Variants in DNM1L observed in about 807,000 individuals in gnomAD.
DNM1L encodes dynamin-1-like protein.
A neutral mutation model predicts 92.8 loss-of-function variants in DNM1L; 33 were observed. The observed-to-expected ratio is 0.36, with a 90% CI of 0.27 to 0.48. The LOEUF (loss-of-function observed/expected upper bound fraction) is 0.48. DNM1L is among the 20% of genes least tolerant of loss of function. The pLI, the probability that DNM1L is intolerant of heterozygous loss-of-function variation, is 0.99. For synonymous variants in DNM1L, 284 were observed against 305.0 expected, an observed-to-expected ratio of 0.93 and a Z score of 0.72; for missense variants, 485 against 888.8, an observed-to-expected ratio of 0.55 and a Z score of 5.78.
At chr12:32,705,772 A>G in intron 2 of DNM1L, 4 of 1,529,340 alleles carry the variant, frequency 2.6e-6, no homozygotes, top group African/African-American at 1.4e-5. Context: ...TAAGGTTTAA[A>G]ATTTTAGGGA....
chr12:32,725,926 T>A (rs1405018551), intron 9 of DNM1L, among the ~76,000 whole-genome samples: 6 of 146,176 alleles, frequency 4.1e-5, no homozygotes, highest in South Asian at 4.3e-4. Context: ...TTTTTTTTTT[T>A]AAACGATGGA....
intron 9 of DNM1L, among the ~76,000 whole-genome samples, 187 bp from the exon 10 acceptor site, chr12:32,730,826 TA>T (rs1427441985): frequency 6.6e-6 from 1 of 152,148 alleles, no homozygotes; most frequent in African/African-American, 2.4e-5. Context: ...TTTTCCCCTT[TA>T]AAAAAATTAG....
chr12:32,729,417 C>G (rs1954392803), intron 9 of DNM1L, among the ~76,000 whole-genome samples: 1 of 152,100 alleles, frequency 6.6e-6, no homozygotes, highest in Middle Eastern at 3.2e-3. Flanking sequence ...TCATTCCCCT[C>G]TCCTCCCTCC....
chr12:32,718,996 G>C (rs1417551474), intron 7 of DNM1L, among the ~76,000 whole-genome samples: 1 of 151,418 alleles, frequency 6.6e-6, no homozygotes, highest in African/African-American at 2.4e-5. Flanking sequence ...CTGTTGCCTA[G>C]GCTGGAATGC....
chr12:32,719,709 C>T (rs760033232), intron 7 of DNM1L, among the ~76,000 whole-genome samples: 41 of 152,152 alleles, frequency 2.7e-4, no homozygotes, highest in African/African-American at 6.7e-4. Context: ...TATTAAAAAT[C>T]GGGAAAAGGA....
rs982184268 is a variant in DNM1L, at chr12:32,744,378, ATATT to A, written c.*973_*976del. On this transcript the variant is annotated 3_prime_UTR_variant, in exon 20 of 20. Transcript: ENST00000549701. ...CTTCATAGCTTCATACCAACAAAAT[ATATT>A]TATTAGAATAGTATGAAAGTACTGG... 1 of 155,434 alleles carries A rather than the reference ATATT, an allele frequency of 6.4e-6. No homozygotes were observed. Among genetic ancestry groups the A allele is most frequent in the African/African-American group, 2.4e-5 (1 of 41,492 alleles). 9.6% of individuals were successfully genotyped at this position (155,434 alleles called of 1,614,324 possible). A position where few individuals can be genotyped will look rare whatever the true frequency, so the allele number is the denominator to read the frequency against.
chr12:32,711,080 A>G, intron 5 of DNM1L, 65 bp downstream of exon 5: 2 of 1,343,660 alleles, frequency 1.5e-6, no homozygotes, highest in East Asian at 4.6e-5. Flanking sequence ...CCATATGAGA[A>G]TAATCAGCTT....
chr12:32,732,498 T>A (rs1484085228), intron 12 of DNM1L: 1 of 455,770 alleles, frequency 2.2e-6, no homozygotes, highest in Admixed American at 2.4e-5. Flanking sequence ...AATTGTTGGC[T>A]GGGTTTTTTG....
In DNM1L at chr12:32,731,440, C is replaced by T. The variant is rs1954547304; in HGVS notation, c.1285C>T (p.Leu429Phe). ...RQIKRLEEPS[L>F]RCVELVHEEM... ...AATCAAACGTCTAGAAGAGCCCAGC[C>T]TCCGCTGTGTGGAACTGGTTCATGA... is the stretch of plus-strand genomic sequence containing the variant. Residue 429 changes from leucine to phenylalanine, a missense_variant, in exon 11 of 20, where the codon CTC becomes TTC. By Grantham distance (22) the Leu-to-Phe change is conservative. This residue lies in a region of DNM1L where 12 missense variants were observed against 21.5 expected (regional missense o/e 0.56). Transcript: ENST00000549701. This position sits in a 1 kb window ranked among gnomAD's most constrained non-coding sequence, Gnocchi z 5.1. 4 of 1,614,164 alleles carry T rather than the reference C, an allele frequency of 2.5e-6. No individual in the cohort carries two copies. The highest frequency in any genetic ancestry group is 3.4e-6 in the Non-Finnish European group (4 of 1,180,030).
At chr12:32,710,850 T>G (rs1953099134) in intron 4 of DNM1L, 79 bp from the exon 5 acceptor site, 2 of 1,162,550 alleles carry the variant, frequency 1.7e-6, no homozygotes, top group Non-Finnish European at 2.4e-6. Context: ...TTAAAAGCAT[T>G]AATGTCTATG....
At chr12:32,711,819 G>C (rs1953136380) in intron 5 of DNM1L, among the ~76,000 whole-genome samples, 1 of 152,094 alleles carries the variant, frequency 6.6e-6, no homozygotes, top group Non-Finnish European at 1.5e-5. Context: ...GGAATTTGAG[G>C]CTACGGTGAG....
At chr12:32,722,306 A>G (rs985421314) in intron 8 of DNM1L, 121 bp from the exon 9 acceptor site, 26 of 799,766 alleles carry the variant, frequency 3.3e-5, no homozygotes, top group Non-Finnish European at 1.9e-5. Context: ...TATATTTCAC[A>G]GTATCACATT....
At chr12:32,718,120 T>C (rs1337592874) in intron 6 of DNM1L, among the ~76,000 whole-genome samples, 2 of 140,136 alleles carry the variant, frequency 1.4e-5, no homozygotes, top group East Asian at 4.0e-4. Flanking sequence ...ATATATAATA[T>C]AGTATATATA....
chr12:32,728,911 G>C (rs1171937457), intron 9 of DNM1L: 1 of 152,210 alleles, frequency 6.6e-6, no homozygotes, highest in African/African-American at 2.4e-5. Context: ...AGCCTCCCGA[G>C]TAGCTGGGAC....
At chr12:32,706,197 C>T (rs1041103152) in intron 2 of DNM1L, 1 of 208,226 alleles carries the variant, frequency 4.8e-6, no homozygotes, top group African/African-American at 2.3e-5. Context: ...CTCCAGTCCT[C>T]CAATGAGACT....
At position 32,720,652 on chromosome 12, in the gene DNM1L, T is replaced by G; in HGVS notation, c.741-12T>G. ...GTTAAGCTGAATAGTTTCGTTATTT[T>G]TTCAACCTCAGGAGCCAGCTAGATA... On this transcript the variant is annotated splice_polypyrimidine_tract_variant and intron_variant, in intron 7 of 19. Coordinates refer to ENST00000549701, the MANE Select transcript of DNM1L (RefSeq NM_012062.5). The G allele has an allele frequency of 1.2e-6, 2 of 1,613,792 alleles. No homozygotes were observed. The highest frequency in any genetic ancestry group is 1.7e-6 in the Non-Finnish European group (2 of 1,179,816).
Position 32,744,825 on chromosome 12 carries a change from T to C in DNM1L, c.*1415T>C, listed in dbSNP as rs114366772. The C allele has an allele frequency of 5.7e-3, 2,718 of 476,182 alleles. 69 individuals carry two copies. Among genetic ancestry groups the C allele is most frequent in the African/African-American group, 0.05 (2,526 of 50,822 alleles). The allele number at this position is 476,182 out of a possible 1,614,324, so 29.5% of individuals were successfully genotyped here. A position where few individuals can be genotyped will look rare whatever the true frequency, so the allele number is the denominator to read the frequency against. ...AGGTTTAGAACATATACATATTTTG[T>C]TAAAATTCCCCAGATGATTCTTGGT... On this transcript the variant is annotated 3_prime_UTR_variant, in exon 20 of 20. Coordinates refer to ENST00000549701, the MANE Select transcript of DNM1L (RefSeq NM_012062.5).
intron 1 of DNM1L, among the ~76,000 whole-genome samples, chr12:32,687,078 G>T (rs1416533805): frequency 1.3e-5 from 2 of 151,648 alleles, no homozygotes; most frequent in African/African-American, 2.4e-5. Context: ...ACCACACCCG[G>T]CCTTGTCTTT....
At chr12:32,708,509 T>C (rs941241359) in intron 4 of DNM1L, among the ~76,000 whole-genome samples, 6 of 152,194 alleles carry the variant, frequency 3.9e-5, no homozygotes, top group Non-Finnish European at 7.3e-5. Flanking sequence ...ACATGCCACA[T>C]TATTATATAA....
Sources: gnomAD v4.1 joint callset for allele counts (sites outside exome capture counted in the v4.1 genomes callset) on GRCh38, gnomAD v4.1.1 for gene constraint, gnomAD v4.1.1 regional missense constraint, Gnocchi (gnomAD v3.1) non-coding constraint, MANE v1.5 for transcripts, NCBI Gene and HGNC (gene_info 2026-07-23, HGNC 2026-07-21) for gene names.